Variants in ACTR3B observed in about 807,000 individuals in gnomAD.
ACTR3B encodes actin-related protein 3B.
Under a neutral mutation model 59.0 loss-of-function variants are expected in ACTR3B, and 8 were observed. That is an observed-to-expected ratio of 0.14 (90% CI 0.08 to 0.24). The LOEUF is 0.24. Among genes scored for constraint, ACTR3B ranks in the 10% least tolerant of loss-of-function variants. The probability of loss-of-function intolerance (pLI) is 1.00; values close to 1 mark genes in which losing one functional copy is unlikely to be tolerated. For missense variants in ACTR3B, 245 were observed against 552.3 expected (o/e 0.44, Z 5.58); for synonymous variants, 148 against 197.9 (o/e 0.75, Z 2.12).
intron 2 of ACTR3B, among the ~76,000 whole-genome samples, chr7:152,789,040 A>G (rs1554435510): frequency 1.3e-4 from 13 of 102,554 alleles, no homozygotes; most frequent in South Asian, 3.7e-4. Flanking sequence ...AACAACAACA[A>G]CAACAACAAC....
chr7:152,837,621 C>T (rs1270822965), intron 9 of ACTR3B, among the ~76,000 whole-genome samples: 2 of 152,362 alleles, frequency 1.3e-5, no homozygotes, highest in African/African-American at 2.4e-5. Flanking sequence ...CGGGGGACAT[C>T]TCCTTGTGTT....
chr7:152,782,055 C>T (rs1249737744), intron 1 of ACTR3B, among the ~76,000 whole-genome samples: 2 of 151,818 alleles, frequency 1.3e-5, no homozygotes, highest in African/African-American at 4.9e-5. Flanking sequence ...TTTCCCCAGA[C>T]CTTATCCATT....
intron 9 of ACTR3B, among the ~76,000 whole-genome samples, chr7:152,837,650 CCTG>C (rs1422352971): frequency 6.6e-6 from 1 of 152,238 alleles, no homozygotes. Context: ...CATCAAGACT[CCTG>C]CTGAATACAT....
chr7:152,798,775 C>T (rs558604208), intron 2 of ACTR3B, among the ~76,000 whole-genome samples: 7 of 152,134 alleles, frequency 4.6e-5, no homozygotes, highest in African/African-American at 7.2e-5. Flanking sequence ...GTAACATTTA[C>T]ACTTTGCCCG....
chr7:152,820,880 C>T (rs1227412083), intron 7 of ACTR3B, among the ~76,000 whole-genome samples: 2 of 152,266 alleles, frequency 1.3e-5, no homozygotes, highest in African/African-American at 4.8e-5. Flanking sequence ...CCATAAGCAT[C>T]TTCTTCCTTT....
In ACTR3B at chr7:152,759,812, C is replaced by T. The variant is rs1347897174; in HGVS notation, c.-71C>T. ...CGGGAGACGCTGCGCGCGGGGCTAG[C>T]GGGCGGCGGAGCGGACGGCGACGGG... is the stretch of plus-strand genomic sequence containing the variant. On this transcript the variant is annotated 5_prime_UTR_variant, in exon 1 of 12. Transcript: ENST00000256001. The T allele has an allele frequency of 4.4e-5, 50 of 1,131,322 alleles. No individual in the cohort carries two copies. Among genetic ancestry groups the T allele is most frequent in the African/African-American group, 6.5e-5 (4 of 61,344 alleles). The allele number at this position is 1,131,322 out of a possible 1,614,324, so 70.1% of individuals were successfully genotyped here.
At chr7:152,823,628 C>G in intron 8 of ACTR3B, 113 bp downstream of exon 8, 1 of 1,306,066 alleles carries the variant, frequency 7.7e-7, no homozygotes, top group Non-Finnish European at 1.1e-6. Context: ...GGCCGTCATT[C>G]GGTCTCTCTG....
At chr7:152,781,290 T>A (rs1321672971) in intron 1 of ACTR3B, among the ~76,000 whole-genome samples, 1 of 151,872 alleles carries the variant, frequency 6.6e-6, no homozygotes, top group Non-Finnish European at 1.5e-5. Flanking sequence ...TGTGATTTTT[T>A]TTTTCTGGTT....
chr7:152,773,893 G>A (rs953158105), intron 1 of ACTR3B, among the ~76,000 whole-genome samples: 3 of 152,106 alleles, frequency 2.0e-5, no homozygotes, highest in African/African-American at 7.2e-5. Flanking sequence ...AGTATTTTGG[G>A]CTGTCCACAC....
At chr7:152,787,557 T>C (rs1334685335) in intron 2 of ACTR3B, among the ~76,000 whole-genome samples, 1 of 152,024 alleles carries the variant, frequency 6.6e-6, no homozygotes, top group African/African-American at 2.4e-5. Flanking sequence ...AAGAAAATTT[T>C]AAGTTAATTT....
At chr7:152,846,093 A>G (rs534102392) in intron 9 of ACTR3B, among the ~76,000 whole-genome samples, 2 of 152,366 alleles carry the variant, frequency 1.3e-5, no homozygotes, top group Admixed American at 6.5e-5. Flanking sequence ...GACATCTTCA[A>G]GCATCCCAGT....
intron 9 of ACTR3B, among the ~76,000 whole-genome samples, chr7:152,826,605 T>TGTGAGGA (rs1209039035): frequency 6.6e-6 from 1 of 152,190 alleles, no homozygotes; most frequent in Admixed American, 6.5e-5. Context: ...CAATCCCACC[T>TGTGAGGA]GACATTAGCT....
chr7:152,843,865 T>C (rs887529326), intron 9 of ACTR3B, among the ~76,000 whole-genome samples: 2 of 152,118 alleles, frequency 1.3e-5, no homozygotes, highest in African/African-American at 4.8e-5. Flanking sequence ...ATACACACTA[T>C]TTAGTAGTAA....
chr7:152,832,934 G>A (rs1345849298), intron 9 of ACTR3B, among the ~76,000 whole-genome samples: 1 of 152,172 alleles, frequency 6.6e-6, no homozygotes, highest in Non-Finnish European at 1.5e-5. Context: ...TTAGTGTCTG[G>A]TTAAATCACT....
At chr7:152,836,429 T>C (rs2689560) in intron 9 of ACTR3B, among the ~76,000 whole-genome samples, 1 of 151,732 alleles carries the variant, frequency 6.6e-6, no homozygotes, top group South Asian at 2.1e-4. Flanking sequence ...ACCCCATCTA[T>C]CAAAAAAATT....
At chr7:152,853,181 A>G (rs1279520844) in intron 10 of ACTR3B, among the ~76,000 whole-genome samples, 1 of 142,450 alleles carries the variant, frequency 7.0e-6, no homozygotes. Flanking sequence ...ATGTTAGGTT[A>G]AAAAAAAAAA....
intron 3 of ACTR3B, 48 bp downstream of exon 3, chr7:152,800,703 T>C (rs780187171): frequency 6.3e-7 from 1 of 1,580,042 alleles, no homozygotes; most frequent in East Asian, 2.3e-5. Context: ...AGTAGTAGGA[T>C]GAGTAATGCA....
At chr7:152,770,884 A>G (rs1029825629) in intron 1 of ACTR3B, among the ~76,000 whole-genome samples, 6 of 143,854 alleles carry the variant, frequency 4.2e-5, no homozygotes, top group African/African-American at 1.6e-4. Context: ...CACAGAAAAT[A>G]AGGAAGGAAA....
chr7:152,811,576 T>C (rs906635626), intron 4 of ACTR3B: 11 of 152,252 alleles, frequency 7.2e-5, no homozygotes, highest in African/African-American at 2.2e-4. Context: ...TTAGTATTTT[T>C]TAACTGAAGA....
Sources: allele counts gnomAD v4.1 joint callset (sites outside exome capture counted in the v4.1 genomes callset), GRCh38; gene constraint gnomAD v4.1.1; transcripts MANE v1.5; gene names NCBI Gene and HGNC (gene_info 2026-07-23, HGNC 2026-07-21).